Variants in ARHGEF4 observed in about 807,000 individuals in gnomAD.
ARHGEF4 encodes APC-stimulated guanine nucleotide exchange factor 1.
A neutral mutation model predicts 162.0 loss-of-function variants in ARHGEF4; 119 were observed. The observed-to-expected ratio is 0.73, with a 90% CI of 0.63 to 0.86. The LOEUF is 0.86. ARHGEF4 is among the 40% of genes least tolerant of loss of function. ARHGEF4 has a pLI of 0.00. For synonymous variants in ARHGEF4, 1,014 were observed against 979.9 expected, an observed-to-expected ratio of 1.03 and a Z score of -0.65; for missense variants, 2,488 against 2,456.0, an observed-to-expected ratio of 1.01 and a Z score of -0.28.
At chr2:131,041,512 A>C in intron 9 of ARHGEF4, 50 bp downstream of exon 9, 1 of 1,547,528 alleles carries the variant, frequency 6.5e-7, no homozygotes, top group South Asian at 1.2e-5. Flanking sequence ...GCATGCCTCC[A>C]GTCAGCCAGT....
At chr2:130,901,456 A>G (rs2105015548) in intron 1 of ARHGEF4, among the ~76,000 whole-genome samples, 1 of 151,600 alleles carries the variant, frequency 6.6e-6, no homozygotes, top group African/African-American at 2.4e-5. Flanking sequence ...TTTGGCATCC[A>G]TTCGTCATAG....
intron 1 of ARHGEF4, among the ~76,000 whole-genome samples, chr2:130,913,563 A>C (rs1248022704): frequency 6.6e-6 from 1 of 152,164 alleles, no homozygotes; most frequent in East Asian, 1.9e-4. Context: ...CTCAGAAAAC[A>C]CTTCTTAAAT....
Position 130,916,250 on chromosome 2 carries a change from C to T in ARHGEF4, c.2304C>T (p.Arg768=), listed in dbSNP as rs1681484515. The change falls in exon 2 of 14, where the codon CGC becomes CGT. Residue 768 remains arginine, a synonymous_variant. Transcript: ENST00000409359. ...GAAAARGQRP[R]VPALEPPQPP... ...CAGCAGCCCGGGGCCAGCGCCCCCG[C>T]GTCCCCGCCTTGGAGCCGCCCCAGC... 6.6e-7 allele frequency: 1 copy of T among 1,526,262 alleles called. No individual in the cohort carries two copies. The highest frequency in any genetic ancestry group is 8.8e-7 in the Non-Finnish European group (1 of 1,138,816). The allele number at this position is 1,526,262 out of a possible 1,614,324, so 94.5% of individuals were successfully genotyped here.
Position 130,916,132 on chromosome 2 carries a change from CAGA to C in ARHGEF4, c.2187_2189del (p.Glu731del). 6.5e-7 allele frequency: 1 copy of C among 1,549,524 alleles called. No homozygotes were observed. Among genetic ancestry groups the C allele is most frequent in the Non-Finnish European group, 8.7e-7 (1 of 1,146,914 alleles). On this transcript the variant is annotated inframe_deletion, in exon 2 of 14. Transcript: ENST00000409359. ...GCTGCTTCGGAAGAGACGCCGAGCA[CAGA>C]GGAGCCCCCGGGAGAGAGACTGCGT...
At chr2:130,954,617 G>A (rs1488639863) in intron 4 of ARHGEF4, among the ~76,000 whole-genome samples, 2 of 152,066 alleles carry the variant, frequency 1.3e-5, no homozygotes, top group African/African-American at 4.8e-5. Flanking sequence ...CTGTCTTCTG[G>A]CTTCTGGAGT....
At chr2:130,909,522 AG>A (rs1242379501) in intron 1 of ARHGEF4, among the ~76,000 whole-genome samples, 1 of 152,184 alleles carries the variant, frequency 6.6e-6, no homozygotes, top group East Asian at 1.9e-4. Flanking sequence ...AGGAGTGAGG[AG>A]AGGCAGAAGG....
At chr2:130,993,866 C>T (rs1008530665) in intron 4 of ARHGEF4, among the ~76,000 whole-genome samples, 11 of 152,108 alleles carry the variant, frequency 7.2e-5, no homozygotes, top group Non-Finnish European at 4.4e-5. Flanking sequence ...TCACTGCAGC[C>T]TCTGCCTCCC....
chr2:131,039,668 C>G (rs1690608584), intron 6 of ARHGEF4: 10 of 1,198,240 alleles, frequency 8.3e-6, no homozygotes, highest in Non-Finnish European at 9.3e-6. Flanking sequence ...CCAGCGGGCG[C>G]GCCACCCATC....
chr2:130,940,766 A>G lies in ARHGEF4; in HGVS notation c.3859-5743A>G, dbSNP rs535669761. 2.5e-4 allele frequency among the ~76,000 whole-genome samples: 36 copies of G among 144,474 alleles called. 2 individuals are homozygous for G. In the South Asian group the frequency reaches 7.7e-3, roughly 31 times the overall value. 94.8% of individuals were successfully genotyped at this position (144,474 alleles called of 152,430 possible). ...AGAATGGCATGAACCCGGGAGGCAG[A>G]GCTTGCAGTGAGCCGAGACTGCGCC... On this transcript the variant is annotated intron_variant, in intron 3 of 13. Coordinates refer to ENST00000409359, the MANE Select transcript of ARHGEF4 (RefSeq NM_001367493.1).
At position 131,046,531 on chromosome 2, in the gene ARHGEF4, G is replaced by GT. The variant is rs142042775; in HGVS notation, c.*343dup. 992 of 243,748 alleles carry GT rather than the reference G, an allele frequency of 4.1e-3. 12 individuals carry two copies. The highest frequency in any genetic ancestry group is 0.02 in the African/African-American group (894 of 44,824). 15.1% of individuals were successfully genotyped at this position (243,748 alleles called of 1,614,324 possible). A position where few individuals can be genotyped will look rare whatever the true frequency, so the allele number is the denominator to read the frequency against. ...CAGCTGGGGAGAAGGCGCTACCTGC[G>GT]TGGGACCCTCTTCTCTGGAAACCTA... is the stretch of plus-strand genomic sequence containing the variant. On this transcript the variant is annotated 3_prime_UTR_variant, in exon 14 of 14. Transcript: ENST00000409359.
intron 4 of ARHGEF4, among the ~76,000 whole-genome samples, chr2:131,014,754 C>T (rs1174454835): frequency 3.3e-5 from 5 of 152,304 alleles, no homozygotes; most frequent in Non-Finnish European, 7.3e-5. Flanking sequence ...AAACAGATTT[C>T]TTGTAGGAGT....
chr2:131,020,863 G>A (rs995305330), intron 4 of ARHGEF4, among the ~76,000 whole-genome samples: 22 of 152,246 alleles, frequency 1.4e-4, no homozygotes, highest in African/African-American at 5.3e-4. Flanking sequence ...GTTGTTTCCT[G>A]ACTTTTTAAT....
intron 4 of ARHGEF4, among the ~76,000 whole-genome samples, chr2:131,016,155 C>A (rs143174558): frequency 6.6e-6 from 1 of 152,148 alleles, no homozygotes; most frequent in Non-Finnish European, 1.5e-5. Flanking sequence ...CTCTTCACCC[C>A]CCTTGCTACC....
At chr2:130,876,683 C>T (rs565863946) in intron 1 of ARHGEF4, among the ~76,000 whole-genome samples, 15 of 152,294 alleles carry the variant, frequency 9.8e-5, no homozygotes, top group African/African-American at 2.9e-4. Flanking sequence ...TGAGCCACCG[C>T]GCCCAGCCAT....
At chr2:131,009,296 G>A (rs1337651643) in intron 4 of ARHGEF4, among the ~76,000 whole-genome samples, 1 of 152,114 alleles carries the variant, frequency 6.6e-6, no homozygotes, top group Non-Finnish European at 1.5e-5. Context: ...CAAAGATGTT[G>A]TTACAGTATC....
At chr2:131,010,725 G>A (rs896948386) in intron 4 of ARHGEF4, among the ~76,000 whole-genome samples, 7 of 152,206 alleles carry the variant, frequency 4.6e-5, no homozygotes, top group South Asian at 2.1e-4. Context: ...GAGAAGAAAC[G>A]AAGTTAGGTG....
Position 130,917,039 on chromosome 2 carries a change from G to A in ARHGEF4, c.3093G>A (p.Lys1031=), listed in dbSNP as rs2105059562. ...EHRRKSEPTI[K]CTATQEGGRY... Reference sequence around the variant, plus strand: ...GGAGGAAAAGTGAACCGACCATCAAGTGCACAGCCACCCAGGAAGGCGGTA... The same window carrying A: ...GGAGGAAAAGTGAACCGACCATCAAATGCACAGCCACCCAGGAAGGCGGTA... Residue 1031 remains lysine (K), a synonymous_variant, in exon 2 of 14, where the codon AAG becomes AAA. Transcript: ENST00000409359. The A allele has an allele frequency of 1.3e-6, 2 of 1,550,926 alleles. No homozygotes were observed. The highest frequency in any genetic ancestry group is 2.4e-5 in the East Asian group (1 of 40,894).
chr2:130,945,348 G>A (rs945991527), intron 3 of ARHGEF4, among the ~76,000 whole-genome samples: 2 of 152,042 alleles, frequency 1.3e-5, no homozygotes, highest in Admixed American at 6.6e-5. Flanking sequence ...ATAGAAAAAA[G>A]AAACAAGGAT....
intron 1 of ARHGEF4, among the ~76,000 whole-genome samples, chr2:130,880,366 C>T (rs560739046): frequency 1.1e-3 from 162 of 152,300 alleles, no homozygotes; most frequent in African/African-American, 3.1e-3. Flanking sequence ...GATAGGGGTC[C>T]TCATATGCCC....
Sources: gnomAD v4.1 joint callset for allele counts (sites outside exome capture counted in the v4.1 genomes callset) on GRCh38, gnomAD v4.1.1 for gene constraint, MANE v1.5 for transcripts, NCBI Gene and HGNC (gene_info 2026-07-23, HGNC 2026-07-21) for gene names.